The following COL9A1 variants were observed in gnomAD, a reference collection of about 807,000 sequenced individuals.
COL9A1 encodes the protein collagen type IX alpha 1 chain.
COL9A1 carries 104 observed loss-of-function variants against 142.6 expected under a neutral mutation model. That is an observed-to-expected ratio of 0.73 (90% CI 0.62 to 0.86). COL9A1 has a LOEUF of 0.86. Ranked by LOEUF, COL9A1 falls within the 40% of genes least tolerant of loss-of-function variation. The pLI is 0.00. For missense variants in COL9A1, 1,210 were observed against 1,176.6 expected, an observed-to-expected ratio of 1.03 and a Z score of -0.42; for synonymous variants, 466 against 396.0, an observed-to-expected ratio of 1.18 and a Z score of -2.10.
chr6:70,270,471 G>A (rs776570504), intron 14 of COL9A1, 104 bp from the exon 15 acceptor site: 133 of 1,063,702 alleles, frequency 1.3e-4, no homozygotes, highest in Non-Finnish European at 1.7e-4. Flanking sequence ...AACCCCCACC[G>A]AGCTCAGCCA....
At chr6:70,229,112 A>C (rs542449579) in intron 36 of COL9A1, among the ~76,000 whole-genome samples, 19 of 152,178 alleles carry the variant, frequency 1.2e-4, no homozygotes, top group Non-Finnish European at 2.6e-4. Context: ...GACTAAGACC[A>C]GTGTCTTTGT....
chr6:70,267,327 G>GTTTTTTTTTTTTTTT (rs61373051), intron 17 of COL9A1, among the ~76,000 whole-genome samples: 33 of 127,042 alleles, frequency 2.6e-4, no homozygotes, highest in African/African-American at 6.2e-4. Context: ...TGGTTTTTTT[G>GTTTTTTTTTTTTTTT]TTTTTTTTTT....
At chr6:70,286,366 T>A (rs1773450890) in intron 5 of COL9A1, among the ~76,000 whole-genome samples, 1 of 152,196 alleles carries the variant, frequency 6.6e-6, no homozygotes, top group Admixed American at 6.5e-5. Context: ...ATAAGGTATT[T>A]AAGTCCTTCA....
At chr6:70,232,962 G>C (rs2127557921) in intron 35 of COL9A1, among the ~76,000 whole-genome samples, 191 bp from the exon 36 acceptor site, 1 of 152,252 alleles carries the variant, frequency 6.6e-6, no homozygotes. Context: ...GGTGCTGTTT[G>C]ATGCAGCTCT....
At position 70,302,937 on chromosome 6, in the gene COL9A1, T is replaced by C. The variant is rs1562335889; in HGVS notation, c.-13A>G. The C allele has an allele frequency of 1.2e-6, 2 of 1,613,990 alleles. No individual in the cohort carries two copies. Among genetic ancestry groups the C allele is most frequent in the Non-Finnish European group, 1.7e-6 (2 of 1,179,894 alleles). The stretch of plus-strand genomic sequence containing the variant: ...AGCAGGTCTTCATTTTCCCAGTTGA[T>C]TTTCTTTGTTTGCCAACAGTCCCTA... On this transcript the variant is annotated 5_prime_UTR_variant, in exon 1 of 38. Transcript: ENST00000357250.
At chr6:70,244,752 A>G (rs1338630582) in intron 28 of COL9A1, among the ~76,000 whole-genome samples, 1 of 152,146 alleles carries the variant, frequency 6.6e-6, no homozygotes, top group Non-Finnish European at 1.5e-5. Flanking sequence ...TATTTGGGGG[A>G]GGATTAATTA....
chr6:70,248,321 G>A (rs1164662084), intron 28 of COL9A1, among the ~76,000 whole-genome samples: 1 of 152,158 alleles, frequency 6.6e-6, no homozygotes, highest in Non-Finnish European at 1.5e-5. Context: ...AAAATGAACA[G>A]ACAATATTTT....
chr6:70,221,916 G>A (rs1032416029), intron 37 of COL9A1, among the ~76,000 whole-genome samples: 4 of 152,278 alleles, frequency 2.6e-5, no homozygotes, highest in African/African-American at 4.8e-5. Context: ...TAAAGTTCCA[G>A]GGATTGCTAA....
chr6:70,299,827 G>A (rs1279056997), intron 4 of COL9A1, among the ~76,000 whole-genome samples: 1 of 152,162 alleles, frequency 6.6e-6, no homozygotes, highest in Non-Finnish European at 1.5e-5. Context: ...TAGTCTCAGT[G>A]ATGCTTTTTC....
At chr6:70,294,660 T>G in intron 4 of COL9A1, 97 bp from the exon 5 acceptor site, 3 of 1,170,346 alleles carry the variant, frequency 2.6e-6, no homozygotes. Context: ...ATGCCAGACC[T>G]ATAGAAAAGC....
chr6:70,266,624 G>T (rs1278207956), intron 18 of COL9A1, 93 bp downstream of exon 18: 18 of 1,004,190 alleles, frequency 1.8e-5, no homozygotes, highest in Non-Finnish European at 2.7e-5. Flanking sequence ...AAATATCGAG[G>T]TTCATTATTT....
Position 70,294,446 on chromosome 6 carries a change from C to T in COL9A1, c.417G>A (p.Lys139=). 1 of 1,614,126 alleles carries T rather than the reference C, an allele frequency of 6.2e-7. No homozygotes were observed. Among genetic ancestry groups the T allele is most frequent in the South Asian group, 1.1e-5 (1 of 91,086 alleles). Residue 139 remains lysine, a synonymous_variant, in exon 5 of 38, where the codon AAG becomes AAA. Transcript: ENST00000357250. ...NIWQIQDSSG[K]EQVGIKINGQ... ...CATTAATCTTTATGCCAACTTGCTC[C>T]TTCCCAGAGGAATCCTGAATCTGCC...
chr6:70,293,780 C>T (rs577923185), intron 5 of COL9A1, among the ~76,000 whole-genome samples: 3 of 151,954 alleles, frequency 2.0e-5, no homozygotes, highest in African/African-American at 7.2e-5. Context: ...CTATAATGTA[C>T]TTTCTCCTCT....
chr6:70,216,303 C>T lies in COL9A1; in HGVS notation c.*594G>A, dbSNP rs1445877265. ...TTGGGGTAAAGTACATACAGTTCAA[C>T]AAAAGTTCAAGGTGAAGAAGGAAAC... On this transcript the variant is annotated 3_prime_UTR_variant, in exon 38 of 38. Coordinates refer to ENST00000357250, the MANE Select transcript of COL9A1 (RefSeq NM_001851.6). 1.3e-5 allele frequency: 2 copies of T among 154,876 alleles called. No individual in the cohort carries two copies. Among genetic ancestry groups the T allele is most frequent in the Admixed American group, 1.3e-4 (2 of 15,838 alleles). 9.6% of individuals were successfully genotyped at this position (154,876 alleles called of 1,614,324 possible).
rs1182004966 is a variant in COL9A1, at chr6:70,234,573, C to T, written c.2280G>A (p.Gln760=). 1 of 1,614,156 alleles carries T rather than the reference C, an allele frequency of 6.2e-7. No homozygotes were observed. Among genetic ancestry groups the T allele is most frequent in the Non-Finnish European group, 8.5e-7 (1 of 1,180,030 alleles). The change falls in exon 35 of 38, where the codon CAG becomes CAA. Residue 760 remains glutamine, a synonymous_variant. Transcript: ENST00000357250. ...QGPPGRAPTD[Q]HIKQVCMRVI... ...CTCTCATGCAAACCTGCTTAATGTG[C>T]TGATCTGTCGGTGCTCTACCCTGGG... is the stretch of plus-strand genomic sequence containing the variant.
intron 34 of COL9A1, 61 bp downstream of exon 34, chr6:70,234,733 A>C: frequency 6.2e-7 from 1 of 1,611,448 alleles, no homozygotes; most frequent in African/African-American, 1.3e-5. Context: ...TGCCTAGAAC[A>C]GCCCTGCTGC....
At chr6:70,224,666 A>G (rs1769113982) in intron 37 of COL9A1, among the ~76,000 whole-genome samples, 1 of 152,190 alleles carries the variant, frequency 6.6e-6, no homozygotes, top group African/African-American at 2.4e-5. Flanking sequence ...AGGCACCTTT[A>G]GTAAATTCTA....
chr6:70,284,885 T>G (rs1277450489), intron 5 of COL9A1, among the ~76,000 whole-genome samples: 1 of 152,188 alleles, frequency 6.6e-6, no homozygotes, highest in Non-Finnish European at 1.5e-5. Context: ...ATTCTAGAGC[T>G]CCTAAACCTA....
At chr6:70,275,958 T>C (rs1052991387) in intron 10 of COL9A1, among the ~76,000 whole-genome samples, 1 of 152,148 alleles carries the variant, frequency 6.6e-6, no homozygotes, top group African/African-American at 2.4e-5. Flanking sequence ...ACATAATTCA[T>C]ATAGAAAACT....
Sources: allele counts gnomAD v4.1 joint callset (sites outside exome capture counted in the v4.1 genomes callset), GRCh38; gene constraint gnomAD v4.1.1; transcripts MANE v1.5; gene names NCBI Gene and HGNC (gene_info 2026-07-23, HGNC 2026-07-21).